The following SNED1 variants were observed in gnomAD, a reference collection of about 807,000 sequenced individuals.
The protein encoded by SNED1 is sushi, nidogen and EGF like domains 1.
A neutral mutation model predicts 166.7 loss-of-function variants in SNED1; 81 were observed. The observed-to-expected ratio is 0.49, with a 90% CI of 0.41 to 0.58. SNED1 has a LOEUF of 0.58. Ranked by LOEUF, SNED1 falls within the 20% of genes least tolerant of loss-of-function variation. The probability of loss-of-function intolerance (pLI) is 0.00; values close to 1 mark genes in which losing one functional copy is unlikely to be tolerated. For synonymous variants in SNED1, 762 were observed against 822.0 expected (o/e 0.93, Z 1.25); for missense variants, 1,604 against 2,000.2 (o/e 0.80, Z 3.78).
chr2:241,069,271 G>A lies in SNED1; in HGVS notation c.3307+248G>A, dbSNP rs1366111207. Among the ~76,000 whole-genome samples the A allele has an allele frequency of 6.6e-6, 1 of 152,204 alleles. No homozygotes were observed. The highest frequency in any genetic ancestry group is 2.4e-5 in the African/African-American group (1 of 41,454). On this transcript the variant is annotated intron_variant, in intron 23 of 31. Transcript: ENST00000310397. The surrounding 1 kb of genome is among the most constrained non-coding windows in gnomAD (Gnocchi z 4.9). ...GCTCCTGGTAGCTCCTCAGCATGGA[G>A]TTCCTACTGGACACCGACCAGAGGG... is the stretch of plus-strand genomic sequence containing the variant.
In SNED1 at chr2:241,033,729, C is replaced by T. The variant is rs377280367; in HGVS notation, c.502-6C>T. ...AGGGCCCTGTTCAGCCCCCTCTCCCCGGCAGGTCAACACATTCCAGACTGT... is the reference window on the plus strand; with the variant it reads ...AGGGCCCTGTTCAGCCCCCTCTCCCTGGCAGGTCAACACATTCCAGACTGT... On this transcript the variant is annotated splice_polypyrimidine_tract_variant and splice_region_variant and intron_variant, in intron 2 of 31. Coordinates refer to ENST00000310397, the MANE Select transcript of SNED1 (RefSeq NM_001080437.3). The T allele has an allele frequency of 4.7e-5, 76 of 1,609,502 alleles. No individual in the cohort carries two copies. The highest frequency in any genetic ancestry group is 1.6e-4 in the Middle Eastern group (1 of 6,072).
rs79981071 is a variant in SNED1, at chr2:241,064,401, G to A, written c.2599+276G>A. 2.5e-3 allele frequency among the ~76,000 whole-genome samples: 375 copies of A among 152,200 alleles called. 1 individual carries two copies. Among genetic ancestry groups the A allele is most frequent in the African/African-American group, 8.8e-3 (365 of 41,528 alleles). Reference sequence around the variant, plus strand: ...GACACACCCAGGGGTGGGGCCTCACGTCCACACATAGGCCCTGCTGCCCTT... The same window carrying A: ...GACACACCCAGGGGTGGGGCCTCACATCCACACATAGGCCCTGCTGCCCTT... On this transcript the variant is annotated intron_variant, in intron 19 of 31. Transcript: ENST00000310397. This position sits in a 1 kb window ranked among gnomAD's most constrained non-coding sequence, Gnocchi z 7.0.
intron 16 of SNED1, among the ~76,000 whole-genome samples, chr2:241,053,633 A>G (rs1222510426): frequency 6.6e-6 from 1 of 152,238 alleles, no homozygotes; most frequent in Non-Finnish European, 1.5e-5. Context: ...GAGGTAGCCC[A>G]GGGGCAGAGT....
At chr2:241,050,264 A>C (rs113377272) in intron 12 of SNED1, among the ~76,000 whole-genome samples, 5 of 152,360 alleles carry the variant, frequency 3.3e-5, no homozygotes, top group African/African-American at 1.2e-4. Context: ...TGCTCAATCT[A>C]ATTCAGCATG....
Position 241,040,386 on chromosome 2 carries a change from C to A in SNED1, c.1246C>A (p.Pro416Thr). 6.2e-7 allele frequency: 1 copy of A among 1,604,054 alleles called. No homozygotes were observed. Among genetic ancestry groups the A allele is most frequent in the Non-Finnish European group, 8.5e-7 (1 of 1,175,260 alleles). Reference protein sequence around the residue: ...VGNYTCLCAEPFKGLRCETGD... With the variant: ...VGNYTCLCAETFKGLRCETGD... ...GAATTACACCTGCTTGTGTGCCGAG[C>A]CCTTCAAGGGACTTCGCTGTGAGAC... The change falls in exon 8 of 32, where the codon CCC becomes ACC. Residue 416 changes from proline to threonine, a missense_variant. By Grantham distance (38) the Pro-to-Thr change is conservative. This residue lies in a region of SNED1 where 1,237 missense variants were observed against 1,620.8 expected (regional missense o/e 0.76). Coordinates refer to ENST00000310397, the MANE Select transcript of SNED1 (RefSeq NM_001080437.3).
intron 16 of SNED1, 46 bp downstream of exon 16, chr2:241,053,372 TC>T (rs751867862): frequency 7.3e-6 from 11 of 1,505,416 alleles, no homozygotes; most frequent in Non-Finnish European, 8.9e-6. Context: ...GCCCACACCC[TC>T]CTCATCCTGG....
chr2:241,061,596 C>G (rs2062231051), intron 16 of SNED1, among the ~76,000 whole-genome samples: 1 of 152,048 alleles, frequency 6.6e-6, no homozygotes, highest in South Asian at 2.1e-4. Flanking sequence ...TTTGTAAAAG[C>G]AAAAAGTCTA....
In SNED1 at chr2:241,095,086, TG is replaced by T. The variant is rs2064330097; in HGVS notation, c.*3456del. 1 of 105,028 alleles carries T rather than the reference TG, an allele frequency of 9.5e-6. No homozygotes were observed. The highest frequency in any genetic ancestry group is 2.2e-5 in the Non-Finnish European group (1 of 45,608). The allele number at this position is 105,028 out of a possible 1,614,324, so 6.5% of individuals were successfully genotyped here. On this transcript the variant is annotated 3_prime_UTR_variant, in exon 32 of 32. Transcript: ENST00000310397. ...CCCCCCCCCCCCCCCACACCCACCT[TG>T]GGGGGTCACGGATTGCTCCCTGTGG...
chr2:241,078,621 T>C (rs1046739276), intron 27 of SNED1, among the ~76,000 whole-genome samples: 6 of 151,712 alleles, frequency 4.0e-5, no homozygotes, highest in African/African-American at 1.5e-4. Flanking sequence ...CATTAGCGGT[T>C]GCTCAGGACT....
rs1328019013 is a variant in SNED1, at chr2:241,073,261, C to T, written c.3818-5C>T. 1 of 1,553,470 alleles carries T rather than the reference C, an allele frequency of 6.4e-7. No individual in the cohort carries two copies. Among genetic ancestry groups the T allele is most frequent in the Admixed American group, 2.0e-5 (1 of 51,186 alleles). ...GCCGTGTGGTCACCGCCTGGCTTCT[C>T]CTAGAACCCACAGCCTCGGCGCAGC... On this transcript the variant is annotated splice_polypyrimidine_tract_variant and splice_region_variant and intron_variant, in intron 26 of 31. Coordinates refer to ENST00000310397, the MANE Select transcript of SNED1 (RefSeq NM_001080437.3). The surrounding 1 kb of genome is among the most constrained non-coding windows in gnomAD (Gnocchi z 6.6).
chr2:241,004,581 C>T (rs1257273606), intron 1 of SNED1, among the ~76,000 whole-genome samples: 3 of 150,688 alleles, frequency 2.0e-5, no homozygotes, highest in Non-Finnish European at 4.4e-5. Context: ...CATAGTTTAC[C>T]TTCAAATAAT....
At position 241,071,709 on chromosome 2, in the gene SNED1, C is replaced by T. The variant is rs2062726764; in HGVS notation, c.3723C>T (p.Thr1241=). Residue 1241 remains threonine (T), a synonymous_variant, in exon 25 of 32, where the codon ACC becomes ACT. Transcript: ENST00000310397. ...ACCACAGCGCCCCCGAGACCCCCAC[C>T]CAGCCCCCCAGGTACATGCCCCACC... ...LNDHSAPETP[T]QPPRFSELVD... 4 of 1,478,248 alleles carry T rather than the reference C, an allele frequency of 2.7e-6. No individual in the cohort carries two copies. In the Admixed American group the frequency reaches 6.0e-5, roughly 22 times the overall value. The allele number at this position is 1,478,248 out of a possible 1,614,324, so 91.6% of individuals were successfully genotyped here. A position where few individuals can be genotyped will look rare whatever the true frequency, so the allele number is the denominator to read the frequency against.
intron 1 of SNED1, among the ~76,000 whole-genome samples, chr2:241,016,850 C>CTTTT (rs5839783): frequency 8.2e-4 from 103 of 125,712 alleles, no homozygotes; most frequent in Middle Eastern, 4.2e-3. Context: ...TTCTTTCTTT[C>CTTTT]TTTTTTTTTT....
In SNED1 at chr2:241,092,565, A is replaced by C. The variant is rs1344538373; in HGVS notation, c.*929A>C. The stretch of plus-strand genomic sequence containing the variant: ...CAAGGGTATCAAAGAAAGACCCCTG[A>C]ATTTTCATGGAAAAAGCTATTCAGA... On this transcript the variant is annotated 3_prime_UTR_variant, in exon 32 of 32. Coordinates refer to ENST00000310397, the MANE Select transcript of SNED1 (RefSeq NM_001080437.3). The surrounding 1 kb of genome is among the most constrained non-coding windows in gnomAD (Gnocchi z 4.6). 2 of 152,174 alleles carry C rather than the reference A, an allele frequency of 1.3e-5. No individual in the cohort carries two copies. Among genetic ancestry groups the C allele is most frequent in the Admixed American group, 6.5e-5 (1 of 15,284 alleles). The allele number at this position is 152,174 out of a possible 1,614,324, so 9.4% of individuals were successfully genotyped here. A position where few individuals can be genotyped will look rare whatever the true frequency, so the allele number is the denominator to read the frequency against.
chr2:241,018,050 C>A lies in SNED1; in HGVS notation c.214-12234C>A, dbSNP rs1010525979. Among the ~76,000 whole-genome samples the A allele has an allele frequency of 1.3e-5, 2 of 152,186 alleles. No homozygotes were observed. Among genetic ancestry groups the A allele is most frequent in the African/African-American group, 4.8e-5 (2 of 41,436 alleles). ...AACCAAGGTGGTGGGTACCTTGATC[C>A]CTTTCCCGACTGGAGAGGCATTCCA... On this transcript the variant is annotated intron_variant, in intron 1 of 31. Transcript: ENST00000310397. This position sits in a 1 kb window ranked among gnomAD's most constrained non-coding sequence, Gnocchi z 5.4.
intron 16 of SNED1, among the ~76,000 whole-genome samples, chr2:241,058,680 G>T (rs143048585): frequency 2.0e-5 from 3 of 152,372 alleles, no homozygotes; most frequent in Non-Finnish European, 4.4e-5. Context: ...GCCGGGCGCG[G>T]TGGCTCATGC....
At chr2:241,058,677 G>A (rs556714354) in intron 16 of SNED1, among the ~76,000 whole-genome samples, 31 of 152,292 alleles carry the variant, frequency 2.0e-4, no homozygotes, top group Admixed American at 3.9e-4. Context: ...TGGGCCGGGC[G>A]CGGTGGCTCA....
rs115811215 is a variant in SNED1 at position 241,094,351 on chromosome 2, G to A, written c.*2715G>A. The A allele has an allele frequency of 2.7e-3, 1,277 of 470,738 alleles. 2 individuals carry two copies. Among genetic ancestry groups the A allele is most frequent in the African/African-American group, 7.2e-3 (363 of 50,164 alleles). The allele number at this position is 470,738 out of a possible 1,614,324, so 29.2% of individuals were successfully genotyped here. On this transcript the variant is annotated 3_prime_UTR_variant, in exon 32 of 32. Coordinates refer to ENST00000310397, the MANE Select transcript of SNED1 (RefSeq NM_001080437.3). The surrounding 1 kb of genome is among the most constrained non-coding windows in gnomAD (Gnocchi z 4.3). ...CACTGCCATCTGACTCAACTGTGGCGATGTGGACGGAGTCACCGAGCTGCT... is the reference window on the plus strand; with the variant it reads ...CACTGCCATCTGACTCAACTGTGGCAATGTGGACGGAGTCACCGAGCTGCT...
intron 4 of SNED1, among the ~76,000 whole-genome samples, 160 bp downstream of exon 4, chr2:241,034,890 C>G (rs1443275367): frequency 6.6e-6 from 1 of 152,130 alleles, no homozygotes; most frequent in East Asian, 1.9e-4. Flanking sequence ...CTAAGGAAAG[C>G]CTGGCTGGTC....
Sources: allele counts gnomAD v4.1 joint callset (sites outside exome capture counted in the v4.1 genomes callset), GRCh38; gene constraint gnomAD v4.1.1; regional missense constraint gnomAD v4.1.1; non-coding constraint Gnocchi (gnomAD v3.1); transcripts MANE v1.5; gene names NCBI Gene and HGNC (gene_info 2026-07-23, HGNC 2026-07-21).